USP42: variants seen among roughly 807,000 people sequenced by gnomAD.
USP42 encodes ubiquitin carboxyl-terminal hydrolase 42.
USP42 carries 23 observed loss-of-function variants against 113.0 expected under a neutral mutation model. The observed-to-expected ratio is 0.20, with a 90% CI of 0.15 to 0.29. USP42 has a LOEUF of 0.29. USP42 is among the 10% of genes least tolerant of loss of function. USP42 has a pLI of 1.00. For missense variants in USP42, 2,174 were observed against 1,779.8 expected (o/e 1.22, Z -3.99); for synonymous variants, 933 against 699.0 (o/e 1.33, Z -5.28).
chr7:6,124,699 C>T (rs1420560250), intron 3 of USP42, among the ~76,000 whole-genome samples: 1 of 152,008 alleles, frequency 6.6e-6, no homozygotes, highest in East Asian at 1.9e-4. Flanking sequence ...TTAAATCTAC[C>T]ATCTTGCTAT....
intron 3 of USP42, among the ~76,000 whole-genome samples, chr7:6,131,647 T>G (rs78560704): frequency 0.083 from 12,696 of 152,152 alleles, 728 homozygotes; most frequent in African/African-American, 0.15. Flanking sequence ...TGCCTGCAGT[T>G]GTTGGGGCTT....
the USP42 span, among the ~76,000 whole-genome samples, chr7:6,097,736 G>A: frequency 1.4e-5 from 2 of 147,238 alleles, no homozygotes; most frequent in Non-Finnish European, 3.0e-5. Flanking sequence ...GACTACAGGC[G>A]GCCGCCACCA....
intron 3 of USP42, among the ~76,000 whole-genome samples, chr7:6,124,192 T>C (rs979018608): frequency 6.6e-6 from 1 of 151,886 alleles, no homozygotes; most frequent in Non-Finnish European, 1.5e-5. Context: ...AGTTTTCTTA[T>C]GATTCATGTT....
Position 6,150,243 on chromosome 7 carries a change from G to A in USP42, c.2047G>A (p.Gly683Ser). ...AGCGCCTGATGGTGCCAGCTGCCAA[G>A]GCCAGCCTGCCCTGCACTCAGAAAA... Reference protein sequence around the residue: ...GLAPDGASCQGQPALHSENPF... With the variant: ...GLAPDGASCQSQPALHSENPF... The change falls in exon 13 of 18, where the codon GGC becomes AGC. Residue 683 changes from glycine (G) to serine (S), a missense_variant. Physicochemically the swap from Gly to Ser is moderately conservative, Grantham distance 56. Coordinates refer to ENST00000306177, the MANE Select transcript of USP42 (RefSeq NM_032172.3). 6.2e-7 allele frequency: 1 copy of A among 1,613,822 alleles called. No individual in the cohort carries two copies.
the USP42 span, among the ~76,000 whole-genome samples, chr7:6,092,029 C>CTTTTCTTCTTCTTCTTCTTCTT: frequency 1.2e-3 from 135 of 110,368 alleles, 4 homozygotes; most frequent in Middle Eastern, 9.2e-3. Flanking sequence ...TCTTCTTCTT[C>CTTTTCTTCTTCTTCTTCTTCTT]TTCTTCTTCT....
At chr7:6,138,316 G>T (rs540143620) in intron 4 of USP42, among the ~76,000 whole-genome samples, 1 of 152,156 alleles carries the variant, frequency 6.6e-6, no homozygotes, top group Non-Finnish European at 1.5e-5. Context: ...GGACTGAAAT[G>T]TTTCTGTGCA....
intron 12 of USP42, among the ~76,000 whole-genome samples, chr7:6,149,355 A>G (rs1384583622): frequency 6.6e-6 from 1 of 152,124 alleles, no homozygotes; most frequent in Non-Finnish European, 1.5e-5. Flanking sequence ...TTTTCTGTGA[A>G]ACATGTATGT....
intron 3 of USP42, among the ~76,000 whole-genome samples, chr7:6,128,959 T>C (rs1780691064): frequency 6.6e-6 from 1 of 152,158 alleles, no homozygotes; most frequent in African/African-American, 2.4e-5. Flanking sequence ...TGGCTTGGAC[T>C]ACAGCTGTGC....
chr7:6,117,386 G>A (rs779456055), intron 3 of USP42, among the ~76,000 whole-genome samples: 1 of 152,056 alleles, frequency 6.6e-6, no homozygotes, highest in African/African-American at 2.4e-5. Flanking sequence ...TCACTTGATC[G>A]TATTGTTGAG....
Position 6,107,725 on chromosome 7 carries a change from C to T in USP42, c.-10+2693C>T, listed in dbSNP as rs542017883. 3.3e-5 allele frequency among the ~76,000 whole-genome samples: 5 copies of T among 151,936 alleles called. No homozygotes were observed. In the South Asian group the frequency reaches 1.0e-3, roughly 32 times the overall value. On this transcript the variant is annotated intron_variant, in intron 1 of 17. Coordinates refer to ENST00000306177, the MANE Select transcript of USP42 (RefSeq NM_032172.3). Reference sequence around the variant, plus strand: ...CGCCCGGCCTCTTCTTTCTTTTTTTCCTGCATTTTTTTCTTCTGTCCCCAC... The same window carrying T: ...CGCCCGGCCTCTTCTTTCTTTTTTTTCTGCATTTTTTTCTTCTGTCCCCAC...
At chr7:6,135,665 A>AG (rs1338381853) in intron 3 of USP42, among the ~76,000 whole-genome samples, 176 bp from the exon 4 acceptor site, 29 of 147,140 alleles carry the variant, frequency 2.0e-4, no homozygotes, top group African/African-American at 7.1e-4. Flanking sequence ...AAAAAAAAAA[A>AG]AAAAAAAAAA....
intron 7 of USP42, among the ~76,000 whole-genome samples, chr7:6,141,561 A>AT (rs1333391351): frequency 1.3e-4 from 19 of 146,220 alleles, no homozygotes; most frequent in African/African-American, 4.0e-4. Context: ...GTTGGTTATT[A>AT]TTATTTTTTT....
intron 3 of USP42, among the ~76,000 whole-genome samples, chr7:6,118,061 T>G (rs980619833): frequency 6.6e-6 from 1 of 152,170 alleles, no homozygotes; most frequent in Non-Finnish European, 1.5e-5. Flanking sequence ...GGAAATTTCA[T>G]TTCTTTTTTT....
chr7:6,136,333 G>T (rs2128500313), intron 4 of USP42, among the ~76,000 whole-genome samples: 1 of 151,960 alleles, frequency 6.6e-6, no homozygotes, highest in East Asian at 1.9e-4. Flanking sequence ...ATGTCCAACT[G>T]GTGAAAAAAA....
chr7:6,133,243 C>A (rs1167395905), intron 3 of USP42, among the ~76,000 whole-genome samples: 1 of 152,188 alleles, frequency 6.6e-6, no homozygotes, highest in Admixed American at 6.5e-5. Flanking sequence ...CAAAAACCTC[C>A]TTTGTGCTTT....
intron 9 of USP42, 66 bp from the exon 10 acceptor site, chr7:6,145,450 T>C: frequency 6.2e-7 from 1 of 1,600,936 alleles, no homozygotes; most frequent in Non-Finnish European, 8.5e-7. Flanking sequence ...CTAAGTACCC[T>C]CTACCTGAAT....
In USP42 at chr7:6,159,286, C is replaced by G. The variant is rs76092056; in HGVS notation, c.3944-164C>G. Among the ~76,000 whole-genome samples, 2 of 152,212 alleles carry G rather than the reference C, an allele frequency of 1.3e-5. No homozygotes were observed. Among genetic ancestry groups the G allele is most frequent in the South Asian group, 4.1e-4 (2 of 4,830 alleles). On this transcript the variant is annotated intron_variant, in intron 16 of 17. Transcript: ENST00000306177. The surrounding 1 kb of genome is among the most constrained non-coding windows in gnomAD (Gnocchi z 4.1). Reference sequence around the variant, plus strand: ...ATCAGTAAAACCCTGGGAGCAGCCGCTGAGCGCTGGGACATCCCTGCTCAC... The same window carrying G: ...ATCAGTAAAACCCTGGGAGCAGCCGGTGAGCGCTGGGACATCCCTGCTCAC...
At position 6,150,287 on chromosome 7, in the gene USP42, C is replaced by T. The variant is rs752100850; in HGVS notation, c.2091C>T (p.Asn697=). The stretch of plus-strand genomic sequence containing the variant: ...CAGAAAATCCCTTTGCTAAGGCAAA[C>T]GGTCTTCCTGGAAAGGTGAGTGCAC... The part of the protein sequence containing the change: ...LHSENPFAKA[N]GLPGKLMPAP... Residue 697 remains asparagine (N), a synonymous_variant, in exon 13 of 18, where the codon AAC becomes AAT. Coordinates refer to ENST00000306177, the MANE Select transcript of USP42 (RefSeq NM_032172.3). The T allele has an allele frequency of 2.5e-5, 41 of 1,612,914 alleles. No individual in the cohort carries two copies. In the Admixed American group the frequency reaches 2.7e-4, roughly 11 times the overall value.
the USP42 span, among the ~76,000 whole-genome samples, chr7:6,092,149 CTCTTCTTCTTCTTCTT>C: frequency 8.5e-6 from 1 of 118,338 alleles, no homozygotes; most frequent in Non-Finnish European, 1.7e-5. Flanking sequence ...CTTCCTCTTC[CTCTTCTTCTTCTTCTT>C]TCTTCTTCTT....
Sources: gnomAD v4.1 joint callset for allele counts (sites outside exome capture counted in the v4.1 genomes callset) on GRCh38, gnomAD v4.1.1 for gene constraint, Gnocchi (gnomAD v3.1) non-coding constraint, MANE v1.5 for transcripts, NCBI Gene and HGNC (gene_info 2026-07-23, HGNC 2026-07-21) for gene names.